LRRTM4: variants seen among roughly 807,000 people sequenced by gnomAD.
LRRTM4 encodes leucine rich repeat transmembrane neuronal 4.
Under a neutral mutation model 47.6 loss-of-function variants are expected in LRRTM4, and 25 were observed. The observed-to-expected ratio is 0.53, with a 90% CI of 0.38 to 0.73. The LOEUF (loss-of-function observed/expected upper bound fraction) is 0.73, where lower values mean the gene tolerates loss of function less well. Ranked by LOEUF, LRRTM4 falls within the 30% of genes least tolerant of loss-of-function variation. LRRTM4 has a pLI of 0.00. For missense variants in LRRTM4, 638 were observed against 713.4 expected (o/e 0.89, Z 1.20); for synonymous variants, 311 against 269.5 (o/e 1.15, Z -1.51).
At chr2:76,751,583 C>G (rs1672849378) in intron 3 of LRRTM4, among the ~76,000 whole-genome samples, 1 of 152,054 alleles carries the variant, frequency 6.6e-6, no homozygotes, top group Non-Finnish European at 1.5e-5. Flanking sequence ...TAGCTCTAAT[C>G]TCCCTCACCC....
intron 3 of LRRTM4, among the ~76,000 whole-genome samples, chr2:77,031,376 CA>C (rs1251892754): frequency 6.6e-6 from 1 of 152,108 alleles, no homozygotes; most frequent in East Asian, 1.9e-4. Context: ...TTAATCTACA[CA>C]AGGTTTATTT....
chr2:77,045,830 T>G (rs1247857409), intron 3 of LRRTM4, among the ~76,000 whole-genome samples: 1 of 151,970 alleles, frequency 6.6e-6, no homozygotes, highest in Admixed American at 6.6e-5. Flanking sequence ...GCACAGCATT[T>G]TTTTTGCTAT....
At chr2:76,804,363 T>G (rs2103786605) in intron 3 of LRRTM4, among the ~76,000 whole-genome samples, 1 of 152,186 alleles carries the variant, frequency 6.6e-6, no homozygotes, top group African/African-American at 2.4e-5. Flanking sequence ...GCTTGAAATT[T>G]TATTTGAAAA....
chr2:76,925,400 A>G (rs1010308238), intron 3 of LRRTM4, among the ~76,000 whole-genome samples: 2 of 152,012 alleles, frequency 1.3e-5, no homozygotes, highest in Non-Finnish European at 2.9e-5. Context: ...GCCTCAGCTG[A>G]CCCCTTGATT....
intron 3 of LRRTM4, among the ~76,000 whole-genome samples, chr2:77,074,490 A>C (rs1315134164): frequency 6.6e-6 from 1 of 152,056 alleles, no homozygotes; most frequent in Non-Finnish European, 1.5e-5. Context: ...CTGAAGGCTG[A>C]ATATTCAACA....
chr2:77,016,728 C>T (rs1015526028), intron 3 of LRRTM4, among the ~76,000 whole-genome samples: 7 of 152,104 alleles, frequency 4.6e-5, no homozygotes, highest in African/African-American at 1.2e-4. Context: ...GAAGTGTTTC[C>T]TCTAGTGAAT....
chr2:76,952,064 T>C (rs1675516604), intron 3 of LRRTM4, among the ~76,000 whole-genome samples: 1 of 152,062 alleles, frequency 6.6e-6, no homozygotes, highest in South Asian at 2.1e-4. Context: ...GTCTTTGCTA[T>C]TGTCAACAGT....
chr2:77,003,938 T>C (rs1197216447), intron 3 of LRRTM4, among the ~76,000 whole-genome samples: 2 of 152,190 alleles, frequency 1.3e-5, no homozygotes, highest in Non-Finnish European at 2.9e-5. Flanking sequence ...GAAAAACTTG[T>C]TGGGAGCTGG....
intron 3 of LRRTM4, among the ~76,000 whole-genome samples, chr2:76,777,135 A>T (rs1374175440): frequency 6.7e-6 from 1 of 149,858 alleles, no homozygotes; most frequent in African/African-American, 2.5e-5. Flanking sequence ...TTTTGGTACC[A>T]GTACCATGCT....
intron 3 of LRRTM4, among the ~76,000 whole-genome samples, chr2:77,305,655 C>G (rs1483851893): frequency 2.0e-5 from 3 of 152,102 alleles, no homozygotes; most frequent in Admixed American, 2.0e-4. Context: ...TACTGCAGAG[C>G]TCTTCAAATC....
chr2:77,126,763 G>A lies in LRRTM4; in HGVS notation c.1552-377847C>T, dbSNP rs540405446. 3.3e-5 allele frequency among the ~76,000 whole-genome samples: 5 copies of A among 152,266 alleles called. No individual in the cohort carries two copies. In the South Asian group the frequency reaches 1.0e-3, roughly 32 times the overall value. On this transcript the variant is annotated intron_variant, in intron 3 of 3. Coordinates refer to ENST00000409884, the MANE Select transcript of LRRTM4 (RefSeq NM_001134745.3). Reference sequence around the variant, plus strand: ...AAACACCTGGAAGTGGAAGAACAAAGTATACGAAAGTTTTCAGCAAGATCA... The same window carrying A: ...AAACACCTGGAAGTGGAAGAACAAAATATACGAAAGTTTTCAGCAAGATCA...
At chr2:77,096,325 T>G (rs1453236575) in intron 3 of LRRTM4, among the ~76,000 whole-genome samples, 1 of 151,720 alleles carries the variant, frequency 6.6e-6, no homozygotes, top group Non-Finnish European at 1.5e-5. Flanking sequence ...ATCATTCAGT[T>G]ATGAGGGTAA....
At chr2:76,816,921 C>T (rs975381739) in intron 3 of LRRTM4, among the ~76,000 whole-genome samples, 1 of 138,510 alleles carries the variant, frequency 7.2e-6, no homozygotes, top group African/African-American at 2.6e-5. Flanking sequence ...AATGGCTTTT[C>T]ATGTTTGCGG....
At chr2:77,172,703 C>T (rs1401324750) in intron 3 of LRRTM4, among the ~76,000 whole-genome samples, 1 of 138,088 alleles carries the variant, frequency 7.2e-6, no homozygotes, top group East Asian at 1.9e-4. Context: ...TATGCTTACT[C>T]TCTCCCAAAA....
intron 3 of LRRTM4, among the ~76,000 whole-genome samples, chr2:76,975,713 A>G (rs992461495): frequency 1.3e-5 from 2 of 151,776 alleles, no homozygotes; most frequent in African/African-American, 4.8e-5. Flanking sequence ...TTACTATTGG[A>G]CCATTTTGGC....
chr2:77,311,057 C>CAT (rs1200456957), intron 3 of LRRTM4, among the ~76,000 whole-genome samples: 4 of 150,398 alleles, frequency 2.7e-5, no homozygotes, highest in African/African-American at 7.5e-5. Flanking sequence ...TATATACACA[C>CAT]ACATATATAT....
At position 76,816,819 on chromosome 2, in the gene LRRTM4, G is replaced by GTTTTTTTTTTT. The variant is rs201525166; in HGVS notation, c.1552-67914_1552-67904dup. ...CACTGCTTTTACTTAGAGGTAAAGA[G>GTTTTTTTTTTT]TTTTTTTTTTTTTTTTTTTTTTTTT... On this transcript the variant is annotated intron_variant, in intron 3 of 3. Coordinates refer to ENST00000409884, the MANE Select transcript of LRRTM4 (RefSeq NM_001134745.3). Among the ~76,000 whole-genome samples the GTTTTTTTTTTT allele has an allele frequency of 9.7e-4, 94 of 96,536 alleles. 5 individuals are homozygous for GTTTTTTTTTTT. Among genetic ancestry groups the GTTTTTTTTTTT allele is most frequent in the Middle Eastern group, 4.8e-3 (1 of 210 alleles). 63.3% of individuals were successfully genotyped at this position (96,536 alleles called of 152,430 possible).
At chr2:76,947,412 T>G (rs1370989931) in intron 3 of LRRTM4, among the ~76,000 whole-genome samples, 1 of 151,848 alleles carries the variant, frequency 6.6e-6, no homozygotes, top group Admixed American at 6.6e-5. Flanking sequence ...AGCCAGGTTC[T>G]TATGAGGAAT....
At chr2:76,915,002 T>C (rs1012594777) in intron 3 of LRRTM4, among the ~76,000 whole-genome samples, 2 of 152,172 alleles carry the variant, frequency 1.3e-5, no homozygotes, top group Admixed American at 1.3e-4. Context: ...CAGAAAGAAA[T>C]ATGAACTGAT....
Sources: gnomAD v4.1 joint callset for allele counts (sites outside exome capture counted in the v4.1 genomes callset) on GRCh38, gnomAD v4.1.1 for gene constraint, MANE v1.5 for transcripts, NCBI Gene and HGNC (gene_info 2026-07-23, HGNC 2026-07-21) for gene names.